PCCA: variants seen among roughly 807,000 people sequenced by gnomAD.
PCCA encodes the protein propionyl-CoA carboxylase alpha chain, mitochondrial.
Under a neutral mutation model 101.3 loss-of-function variants are expected in PCCA, and 74 were observed. That is an observed-to-expected ratio of 0.73 (90% CI 0.61 to 0.89). PCCA has a LOEUF of 0.89. Ranked by LOEUF, PCCA falls within the 40% of genes least tolerant of loss-of-function variation. The pLI is 0.00. For missense variants in PCCA, 891 were observed against 907.0 expected, an observed-to-expected ratio of 0.98 and a Z score of 0.23; for synonymous variants, 294 against 313.6, an observed-to-expected ratio of 0.94 and a Z score of 0.66.
chr13:100,224,557 G>T (rs1454181470), intron 7 of PCCA, among the ~76,000 whole-genome samples: 3 of 152,252 alleles, frequency 2.0e-5, no homozygotes, highest in African/African-American at 7.2e-5. Flanking sequence ...AGCGCCAAGA[G>T]CGAGCGAGGG....
intron 10 of PCCA, among the ~76,000 whole-genome samples, chr13:100,266,903 A>G (rs898361086): frequency 1.3e-5 from 2 of 152,216 alleles, no homozygotes; most frequent in African/African-American, 2.4e-5. Context: ...GTGTAAACCT[A>G]TAAAATTTTT....
chr13:100,422,097 T>TCTTTCTTTCTTTCTTC (rs2078833243), intron 19 of PCCA, among the ~76,000 whole-genome samples: 1 of 144,626 alleles, frequency 6.9e-6, no homozygotes, highest in Admixed American at 6.9e-5. Context: ...TTTCTTTCTT[T>TCTTTCTTTCTTTCTTC]CTTTCTTTCT....
chr13:100,256,996 G>T (rs2062119272), intron 8 of PCCA, among the ~76,000 whole-genome samples: 3 of 152,128 alleles, frequency 2.0e-5, no homozygotes, highest in Admixed American at 2.0e-4. Context: ...ATAACACCCT[G>T]TTAATGTACG....
intron 6 of PCCA, among the ~76,000 whole-genome samples, chr13:100,186,119 C>T (rs2057245360): frequency 6.6e-6 from 1 of 152,122 alleles, no homozygotes; most frequent in African/African-American, 2.4e-5. Flanking sequence ...CATTCTTTTT[C>T]AGCATTGGTT....
intron 7 of PCCA, among the ~76,000 whole-genome samples, chr13:100,224,734 A>C (rs1266645256): frequency 2.6e-5 from 4 of 152,236 alleles, no homozygotes; most frequent in African/African-American, 9.6e-5. Flanking sequence ...TTTCCAATGG[A>C]AATGATAGCT....
chr13:100,222,334 C>G (rs981860128), intron 7 of PCCA, among the ~76,000 whole-genome samples: 2 of 152,000 alleles, frequency 1.3e-5, no homozygotes, highest in Non-Finnish European at 2.9e-5. Flanking sequence ...TCCTCAGCCT[C>G]CCAAAGTGTT....
At position 100,411,629 on chromosome 13, in the gene PCCA, T is replaced by C. The variant is rs2078056208; in HGVS notation, c.1747-14004T>C. ...GGGTGGCTTAAACAACAGTCATTTA[T>C]TCCTCCAGTTCTGTAGGCTGATAAG... is the stretch of plus-strand genomic sequence containing the variant. On this transcript the variant is annotated intron_variant, in intron 19 of 23. Coordinates refer to ENST00000376285, the MANE Select transcript of PCCA (RefSeq NM_000282.4). Among the ~76,000 whole-genome samples, 2 of 152,242 alleles carry C rather than the reference T, an allele frequency of 1.3e-5. 1 individual carries two copies. The highest frequency in any genetic ancestry group is 1.3e-4 in the Admixed American group (2 of 15,294).
chr13:100,333,825 C>G (rs903248142), intron 17 of PCCA, among the ~76,000 whole-genome samples: 1 of 152,142 alleles, frequency 6.6e-6, no homozygotes, highest in African/African-American at 2.4e-5. Context: ...AATTATACTT[C>G]TCTTTTTTCC....
intron 19 of PCCA, among the ~76,000 whole-genome samples, chr13:100,393,563 C>T (rs545185833): frequency 4.6e-5 from 7 of 151,764 alleles, no homozygotes; most frequent in East Asian, 3.9e-4. Context: ...GGTTTACAGG[C>T]GCCCGCCACC....
At chr13:100,428,979 G>A (rs988209878) in intron 20 of PCCA, among the ~76,000 whole-genome samples, 6 of 152,008 alleles carry the variant, frequency 3.9e-5, no homozygotes, top group Non-Finnish European at 2.9e-5. Context: ...GGTTTTTTTG[G>A]TTTTTGGCTG....
chr13:100,259,329 G>GTTTTTTTTTTTTTTTTTTTTTTTTTTTTT (rs5806157), intron 9 of PCCA, among the ~76,000 whole-genome samples: 1 of 65,338 alleles, frequency 1.5e-5, no homozygotes. Context: ...AAATGTAATG[G>GTTTTTTTTTTTTTTTTTTTTTTTTTTTTT]TTTTTTTTTT....
At chr13:100,322,303 C>G (rs919971800) in intron 16 of PCCA, among the ~76,000 whole-genome samples, 1 of 152,114 alleles carries the variant, frequency 6.6e-6, no homozygotes, top group African/African-American at 2.4e-5. Flanking sequence ...GCTTACCTTC[C>G]TTTGTCTAGG....
chr13:100,491,576 T>C (rs2152981326), intron 21 of PCCA: 1 of 837,938 alleles, frequency 1.2e-6, no homozygotes, highest in Non-Finnish European at 1.7e-6. Flanking sequence ...TGCAAAATGT[T>C]GCCCTTGGGA....
chr13:100,322,327 T>C (rs1263609277), intron 16 of PCCA, among the ~76,000 whole-genome samples: 1 of 152,098 alleles, frequency 6.6e-6, no homozygotes, highest in African/African-American at 2.4e-5. Flanking sequence ...TAGTTTGTCA[T>C]GCCTACCTAC....
chr13:100,337,859 G>T (rs2070736587), intron 17 of PCCA, among the ~76,000 whole-genome samples: 1 of 152,160 alleles, frequency 6.6e-6, no homozygotes, highest in South Asian at 2.1e-4. Context: ...ACCACCATGA[G>T]AAATACATTT....
At chr13:100,201,264 T>C (rs1297367460) in intron 6 of PCCA, among the ~76,000 whole-genome samples, 8 of 152,308 alleles carry the variant, frequency 5.3e-5, no homozygotes, top group South Asian at 2.1e-4. Context: ...TTTGTTGATA[T>C]CTCTTTTGTC....
intron 20 of PCCA, among the ~76,000 whole-genome samples, chr13:100,429,478 A>G (rs2079388445): frequency 6.6e-6 from 1 of 152,082 alleles, no homozygotes; most frequent in Admixed American, 6.6e-5. Flanking sequence ...AATAACTACA[A>G]TTCTTTTTTC....
intron 4 of PCCA, among the ~76,000 whole-genome samples, chr13:100,147,010 T>TAAAA (rs36028025): frequency 3.9e-4 from 55 of 141,018 alleles, no homozygotes; most frequent in African/African-American, 1.4e-3. Context: ...GGTAGAATTC[T>TAAAA]AAAAAAAAAA....
At chr13:100,310,812 A>G (rs2066852734) in intron 16 of PCCA, among the ~76,000 whole-genome samples, 1 of 152,318 alleles carries the variant, frequency 6.6e-6, no homozygotes, top group Admixed American at 6.5e-5. Context: ...CATATAAAAA[A>G]TAAATTTTGT....
Sources: gnomAD v4.1 joint callset for allele counts (sites outside exome capture counted in the v4.1 genomes callset) on GRCh38, gnomAD v4.1.1 for gene constraint, MANE v1.5 for transcripts, NCBI Gene and HGNC (gene_info 2026-07-23, HGNC 2026-07-21) for gene names.